The following POLDIP3 variants were observed in gnomAD, a reference collection of about 807,000 sequenced individuals.
POLDIP3 encodes polymerase delta-interacting protein 3.
Under a neutral mutation model 45.1 loss-of-function variants are expected in POLDIP3, and 14 were observed. The ratio of observed to expected loss-of-function variants is 0.31; its 90% CI spans 0.20 to 0.49. POLDIP3 has a LOEUF of 0.49. POLDIP3 is among the 20% of genes least tolerant of loss of function. The pLI is 0.99. For missense variants in POLDIP3, 511 were observed against 538.8 expected (o/e 0.95, Z 0.51); for synonymous variants, 223 against 205.2 (o/e 1.09, Z -0.74).
chr22:42,594,256 C>T (rs1053835330), intron 6 of POLDIP3, among the ~76,000 whole-genome samples: 5 of 151,772 alleles, frequency 3.3e-5, no homozygotes, highest in African/African-American at 1.2e-4. Context: ...AGCAAGACTC[C>T]ATCTTTAAAA....
At position 42,592,110 on chromosome 22, in the gene POLDIP3, T is replaced by C. The variant is rs913524965; in HGVS notation, c.892-26A>G. 3 of 1,613,334 alleles carry C rather than the reference T, an allele frequency of 1.9e-6. No individual in the cohort carries two copies. The Admixed American group carries it at 5.0e-5, about 27-fold the overall frequency. ...CTGCACACAACAAGAGGGGTTGGGA[T>C]TGGGGAAGGATTTCTCAGCACCTGC... On this transcript the variant is annotated intron_variant, in intron 6 of 8. Transcript: ENST00000252115.
chr22:42,592,001 G>C lies in POLDIP3; in HGVS notation c.975C>G (p.Asp325Glu). Reference sequence around the variant, plus strand: ...ACTTCTTATATGCGGTGATGGCATCGTCCTTTTTCACAAACACCACCTCCG... The same window carrying C: ...ACTTCTTATATGCGGTGATGGCATCCTCCTTTTTCACAAACACCACCTCCG... ...GVAEVVFVKKDDAITAYKKYN... is the reference protein window; with the variant it reads ...GVAEVVFVKKEDAITAYKKYN... The change falls in exon 7 of 9, where the codon GAC becomes GAG. Residue 325 changes from aspartate to glutamate, a missense_variant. By Grantham distance (45) the Asp-to-Glu change is conservative. Transcript: ENST00000252115. 6.2e-7 allele frequency: 1 copy of C among 1,614,182 alleles called. No individual in the cohort carries two copies. Among genetic ancestry groups the C allele is most frequent in the Non-Finnish European group, 8.5e-7 (1 of 1,180,026 alleles).
intron 4 of POLDIP3, chr22:42,597,634 T>C (rs1926076582): frequency 2.2e-6 from 1 of 452,440 alleles, no homozygotes; most frequent in African/African-American, 2.1e-5. Context: ...AAATATGGCA[T>C]TTATTCAATT....
intron 7 of POLDIP3, among the ~76,000 whole-genome samples, chr22:42,590,356 A>G (rs1282686820): frequency 6.6e-6 from 1 of 152,066 alleles, no homozygotes; most frequent in Non-Finnish European, 1.5e-5. Context: ...GCGCCCAGCT[A>G]ATTTATTTTT....
chr22:42,609,308 C>T (rs1926972268), intron 1 of POLDIP3, among the ~76,000 whole-genome samples: 1 of 152,206 alleles, frequency 6.6e-6, no homozygotes, highest in Non-Finnish European at 1.5e-5. Flanking sequence ...CCACCTCCAT[C>T]GCACCGAAAC....
chr22:42,614,443 T>C (rs1927336016), intron 1 of POLDIP3, among the ~76,000 whole-genome samples: 1 of 152,008 alleles, frequency 6.6e-6, no homozygotes. Flanking sequence ...AGCGCCGAGA[T>C]CACGGAGCGG....
rs528046497 is a variant in POLDIP3, at chr22:42,588,599, C to T, written c.1022-1027G>A. 1.3e-3 allele frequency among the ~76,000 whole-genome samples: 191 copies of T among 150,878 alleles called. 1 individual carries two copies. The highest frequency in any genetic ancestry group is 4.5e-3 in the African/African-American group (187 of 41,246). ...AAAACCAGTAAGATCTAACTATACA[C>T]TCTCTATAGGTGACACATTTTTCTT... On this transcript the variant is annotated intron_variant, in intron 7 of 8. Transcript: ENST00000252115.
intron 1 of POLDIP3, among the ~76,000 whole-genome samples, chr22:42,609,053 C>T (rs562782583): frequency 2.0e-5 from 3 of 152,340 alleles, no homozygotes; most frequent in Admixed American, 6.5e-5. Context: ...ATCAACACTC[C>T]TGCCAGGGGT....
At position 42,594,346 on chromosome 22, in the gene POLDIP3, A is replaced by G. The variant is rs1405362303; in HGVS notation, c.891+1191T>C. ...GCCAACATGGTGAAACCCTGCCTCT[A>G]CTGAAAATACAAAAATTAGCCAGGC... On this transcript the variant is annotated intron_variant, in intron 6 of 8. Transcript: ENST00000252115. 7.2e-5 allele frequency among the ~76,000 whole-genome samples: 11 copies of G among 152,210 alleles called. No homozygotes were observed. The East Asian group carries it at 1.9e-3, about 27-fold the overall frequency.
chr22:42,593,729 G>C (rs988383957), intron 6 of POLDIP3, among the ~76,000 whole-genome samples: 6 of 152,190 alleles, frequency 3.9e-5, no homozygotes, highest in African/African-American at 1.4e-4. Flanking sequence ...ATGTTGGCCA[G>C]GCTGGTCTCG....
At chr22:42,609,432 A>G (rs939897141) in intron 1 of POLDIP3, among the ~76,000 whole-genome samples, 8 of 152,076 alleles carry the variant, frequency 5.3e-5, no homozygotes, top group African/African-American at 1.7e-4. Context: ...TCTCTCCTCT[A>G]TACCCCCTAC....
chr22:42,601,774 TA>T (rs1006410110), intron 3 of POLDIP3, among the ~76,000 whole-genome samples, 195 bp downstream of exon 3: 28 of 152,078 alleles, frequency 1.8e-4, no homozygotes, highest in Admixed American at 1.6e-3. Flanking sequence ...AATAAAAAAA[TA>T]AAAAAAATTT....
intron 1 of POLDIP3, among the ~76,000 whole-genome samples, chr22:42,609,641 G>C (rs895844569): frequency 3.3e-5 from 5 of 152,146 alleles, no homozygotes; most frequent in Non-Finnish European, 7.3e-5. Flanking sequence ...AATCCTCTGG[G>C]TTATGGGAGG....
chr22:42,610,135 T>C (rs1177507461), intron 1 of POLDIP3, among the ~76,000 whole-genome samples: 4 of 150,464 alleles, frequency 2.7e-5, no homozygotes, highest in African/African-American at 7.3e-5. Flanking sequence ...GATCGCGCCA[T>C]TGCACTCCAG....
chr22:42,607,598 C>T (rs1926822714), intron 1 of POLDIP3, among the ~76,000 whole-genome samples: 1 of 151,822 alleles, frequency 6.6e-6, no homozygotes, highest in East Asian at 1.9e-4. Flanking sequence ...GCCCCTCTGC[C>T]CGGCCGTCCA....
chr22:42,585,000 G>T lies in POLDIP3; in HGVS notation c.*791C>A, dbSNP rs1485477151. ...AGGGTGTGGTTAAGTGCCAGGCGAG[G>T]TGAGAACCGGGAGGGCTCACAACAC... On this transcript the variant is annotated 3_prime_UTR_variant, in exon 9 of 9. Transcript: ENST00000252115. The T allele has an allele frequency of 4.4e-6, 2 of 456,356 alleles. No individual in the cohort carries two copies. Among genetic ancestry groups the T allele is most frequent in the Non-Finnish European group, 8.8e-6 (2 of 226,974 alleles). The allele number at this position is 456,356 out of a possible 1,614,324, so 28.3% of individuals were successfully genotyped here.
At chr22:42,612,656 T>A (rs1186557032) in intron 1 of POLDIP3, among the ~76,000 whole-genome samples, 1 of 151,964 alleles carries the variant, frequency 6.6e-6, no homozygotes, top group African/African-American at 2.4e-5. Context: ...TAAAACCCCA[T>A]CTCTACTAAA....
At chr22:42,588,976 C>G (rs1326012260) in intron 7 of POLDIP3, among the ~76,000 whole-genome samples, 1 of 152,140 alleles carries the variant, frequency 6.6e-6, no homozygotes, top group Non-Finnish European at 1.5e-5. Flanking sequence ...CTTGGTGGCT[C>G]ATGCCTGTAA....
chr22:42,604,206 C>T (rs1008045613), intron 1 of POLDIP3, among the ~76,000 whole-genome samples: 5 of 152,196 alleles, frequency 3.3e-5, no homozygotes, highest in South Asian at 2.1e-4. Context: ...GAAACCCTCC[C>T]GGATTTCTCC....
Sources: allele counts gnomAD v4.1 joint callset (sites outside exome capture counted in the v4.1 genomes callset), GRCh38; gene constraint gnomAD v4.1.1; transcripts MANE v1.5; gene names NCBI Gene and HGNC (gene_info 2026-07-23, HGNC 2026-07-21).